Variants in PER2 observed in about 807,000 individuals in gnomAD.
PER2 encodes the protein period circadian protein homolog 2.
In PER2, 66 loss-of-function variants were observed where a neutral mutation model predicts 121.0. That is an observed-to-expected ratio of 0.55 (90% CI 0.45 to 0.67). The LOEUF (loss-of-function observed/expected upper bound fraction) is 0.67, where lower values mean the gene tolerates loss of function less well. Ranked by LOEUF, PER2 falls within the 30% of genes least tolerant of loss-of-function variation. PER2 has a pLI of 0.00. For synonymous variants in PER2, 684 were observed against 659.9 expected, an observed-to-expected ratio of 1.04 and a Z score of -0.56; for missense variants, 1,521 against 1,635.0, an observed-to-expected ratio of 0.93 and a Z score of 1.20.
Position 238,246,263 on chromosome 2 carries a change from G to T in PER2, c.*112C>A. On this transcript the variant is annotated 3_prime_UTR_variant, in exon 23 of 23. Transcript: ENST00000254657. ...TGTTTTTTTTTCTAAAACAAAAAAA[G>T]CAACATGAGCATATGTGTCCATTTC... 1.5e-6 allele frequency: 1 copy of T among 683,440 alleles called. No individual in the cohort carries two copies. Among genetic ancestry groups the T allele is most frequent in the Non-Finnish European group, 2.2e-6 (1 of 448,322 alleles). 42.3% of individuals were successfully genotyped at this position (683,440 alleles called of 1,614,324 possible).
chr2:238,249,372 A>G (rs1261788550), intron 21 of PER2, among the ~76,000 whole-genome samples, 160 bp from the exon 22 acceptor site: 1 of 152,250 alleles, frequency 6.6e-6, no homozygotes, highest in Non-Finnish European at 1.5e-5. Context: ...CCTAGTAAAG[A>G]ACCCGTAGTT....
At position 238,250,496 on chromosome 2, in the gene PER2, G is replaced by A. The variant is rs565302836; in HGVS notation, c.3467+55C>T. 106 of 1,270,284 alleles carry A rather than the reference G, an allele frequency of 8.3e-5. 2 individuals carry two copies. In the South Asian group the frequency reaches 1.2e-3, roughly 14 times the overall value. The allele number at this position is 1,270,284 out of a possible 1,614,324, so 78.7% of individuals were successfully genotyped here. A position where few individuals can be genotyped will look rare whatever the true frequency, so the allele number is the denominator to read the frequency against. On this transcript the variant is annotated intron_variant, in intron 21 of 22. Coordinates refer to ENST00000254657, the MANE Select transcript of PER2 (RefSeq NM_022817.3). ...AATGACCTTGACCTTGTTGTTTCTGGGAGCTCCTGAACCCCATCCCTCCCC... is the reference window on the plus strand; with the variant it reads ...AATGACCTTGACCTTGTTGTTTCTGAGAGCTCCTGAACCCCATCCCTCCCC...
chr2:238,262,400 T>C (rs1695964235), intron 10 of PER2, 56 bp from the exon 11 acceptor site: 10 of 1,567,670 alleles, frequency 6.4e-6, no homozygotes, highest in South Asian at 1.1e-5. Context: ...GGATTTATAG[T>C]AGAGAGAGAC....
intron 1 of PER2, among the ~76,000 whole-genome samples, chr2:238,280,207 G>A (rs1696588161): frequency 6.6e-6 from 1 of 152,192 alleles, no homozygotes; most frequent in African/African-American, 2.4e-5. Context: ...GGAACTGAAT[G>A]GCTAAGCTCC....
rs753723479 is a variant in PER2, at chr2:238,271,496, G to A, written c.588C>T (p.Ala196=). Residue 196 remains alanine (A), a synonymous_variant, in exon 6 of 23, where the codon GCC becomes GCT. Coordinates refer to ENST00000254657, the MANE Select transcript of PER2 (RefSeq NM_022817.3). The stretch of plus-strand genomic sequence containing the variant: ...GGATCTTCCCAGACACCAGGGACAC[G>A]GCCACCGCAAACATATCCTGAAAAG... ...IVKNADMFAV[A]VSLVSGKILY... 13 of 1,612,910 alleles carry A rather than the reference G, an allele frequency of 8.1e-6. No individual in the cohort carries two copies. The highest frequency in any genetic ancestry group is 2.2e-5 in the South Asian group (2 of 91,042).
At chr2:238,272,613 G>GGT (rs1388222235) in intron 5 of PER2, among the ~76,000 whole-genome samples, 2 of 152,244 alleles carry the variant, frequency 1.3e-5, no homozygotes, top group African/African-American at 2.4e-5. Context: ...TGGTAGAGTA[G>GGT]GTGTGTGTGT....
At chr2:238,248,972 A>C in intron 22 of PER2, 90 bp downstream of exon 22, 3 of 1,419,690 alleles carry the variant, frequency 2.1e-6, no homozygotes, top group Non-Finnish European at 3.0e-6. Flanking sequence ...AGAAGTTTTA[A>C]ATTGACAGAA....
At position 238,260,849 on chromosome 2, in the gene PER2, C is replaced by G; in HGVS notation, c.1521G>C (p.Glu507Asp). 1 of 1,614,134 alleles carries G rather than the reference C, an allele frequency of 6.2e-7. No homozygotes were observed. The highest frequency in any genetic ancestry group is 8.5e-7 in the Non-Finnish European group (1 of 1,180,028). The change falls in exon 13 of 23, where the codon GAG (glutamate) becomes GAC (aspartate). Residue 507 changes from glutamate to aspartate, a missense_variant. Coordinates refer to ENST00000254657, the MANE Select transcript of PER2 (RefSeq NM_022817.3). ...QTSSSDSNGHEDSRRRRAEIC... is the reference protein window; with the variant it reads ...QTSSSDSNGHDDSRRRRAEIC... ...GTACGGCTCTCCTCCGGCGTGAGTC[C>G]TCATGGCCGTTGCTGTCGCTGGAGG...
chr2:238,296,732 C>T, the PER2 span, among the ~76,000 whole-genome samples: 2 of 152,304 alleles, frequency 1.3e-5, no homozygotes, highest in South Asian at 2.1e-4. Context: ...CAGACATTCC[C>T]GGGCACTTCT....
rs757290576 is a variant in PER2 at position 238,268,949 on chromosome 2, C to A, written c.798G>T (p.Glu266Asp). The A allele has an allele frequency of 1.9e-6, 3 of 1,612,822 alleles. No homozygotes were observed. The South Asian group carries it at 3.3e-5, about 18-fold the overall frequency. The change falls in exon 7 of 23, where the codon GAG (glutamate) becomes GAT (aspartate). Residue 266 changes from glutamate to aspartate, a missense_variant. By Grantham distance (45) the Glu-to-Asp change is conservative. Transcript: ENST00000254657. This position sits in a 1 kb window ranked among gnomAD's most constrained non-coding sequence, Gnocchi z 4.0. Reference protein sequence around the residue: ...GADSFTQECMEEKSFFCRVSV... With the variant: ...GADSFTQECMDEKSFFCRVSV... ...TGACACGGCAAAAGAAAGATTTCTC[C>A]TCCATGCATTCTTGAGTAAAAGAAT...
At chr2:238,286,212 A>G (rs936917840) in intron 1 of PER2, among the ~76,000 whole-genome samples, 139 of 152,330 alleles carry the variant, frequency 9.1e-4, no homozygotes, top group African/African-American at 3.1e-3. Flanking sequence ...CAGGAAGCTC[A>G]GGCATCTGCT....
At chr2:238,264,329 T>C (rs1488571972) in intron 9 of PER2, among the ~76,000 whole-genome samples, 2 of 152,228 alleles carry the variant, frequency 1.3e-5, no homozygotes, top group Non-Finnish European at 2.9e-5. Context: ...AGCCTGCATC[T>C]GCAAACTGGC....
In PER2 at chr2:238,275,819, T is replaced by G. The variant is rs767687681; in HGVS notation, c.372A>C (p.Ala124=). Residue 124 remains alanine, a synonymous_variant, in exon 4 of 23, where the codon GCA becomes GCC. Coordinates refer to ENST00000254657, the MANE Select transcript of PER2 (RefSeq NM_022817.3). ...TLKELKVHLP[A]DKKAKGKAST... is the part of the protein sequence containing the mutation. ...TGGCCTTGCCCTTGGCCTTCTTGTC[T>G]GCAGGGAGGTGGACCTTCAGCTCCT... The G allele has an allele frequency of 2.5e-6, 4 of 1,614,226 alleles. No individual in the cohort carries two copies. In the South Asian group the frequency reaches 4.4e-5, roughly 18 times the overall value.
rs371654106 is a variant in PER2, at chr2:238,255,424, C to T, written c.2320+233G>A. 175 of 597,786 alleles carry T rather than the reference C, an allele frequency of 2.9e-4. 5 individuals are homozygous for T. Among genetic ancestry groups the T allele is most frequent in the South Asian group, 1.9e-3 (98 of 51,438 alleles). The allele number at this position is 597,786 out of a possible 1,614,324, so 37.0% of individuals were successfully genotyped here. ...TGCCCTGCCATGGTTCTTCCCACCT[C>T]GGGCACTAGCCTGGGACTATTCCCC... On this transcript the variant is annotated intron_variant, in intron 18 of 22. Coordinates refer to ENST00000254657, the MANE Select transcript of PER2 (RefSeq NM_022817.3).
Position 238,268,093 on chromosome 2 carries a change from G to A in PER2, c.930C>T (p.Cys310=). The stretch of plus-strand genomic sequence containing the variant: ...AGTGCACTCTCTCTGCCAGCAGAAG[G>A]CAGCAAAGCTGACTCTCAGCACCTT... The part of the protein sequence containing the change: ...DQQGAESQLC[C]LLLAERVHSG... Residue 310 remains cysteine, a synonymous_variant, in exon 8 of 23, where the codon TGC becomes TGT. Coordinates refer to ENST00000254657, the MANE Select transcript of PER2 (RefSeq NM_022817.3). This position sits in a 1 kb window ranked among gnomAD's most constrained non-coding sequence, Gnocchi z 4.0. 6.2e-7 allele frequency: 1 copy of A among 1,614,134 alleles called. No homozygotes were observed. Among genetic ancestry groups the A allele is most frequent in the East Asian group, 2.2e-5 (1 of 44,876 alleles).
chr2:238,255,576 A>AGTC, intron 18 of PER2, 81 bp downstream of exon 18: 1 of 1,390,970 alleles, frequency 7.2e-7, no homozygotes, highest in African/African-American at 1.4e-5. Context: ...GACACATTTC[A>AGTC]CATTTTGAAA....
At chr2:238,273,927 A>G (rs1378011393) in intron 4 of PER2, among the ~76,000 whole-genome samples, 1 of 151,592 alleles carries the variant, frequency 6.6e-6, no homozygotes, top group Admixed American at 6.6e-5. Context: ...CGGCCTCCCA[A>G]AGTGCTGGGA....
rs564202723 is a variant in PER2, at chr2:238,256,811, A to G, written c.2065+111T>C. The G allele has an allele frequency of 4.3e-4, 491 of 1,132,826 alleles. No homozygotes were observed. The African/African-American group carries it at 7.0e-3, about 16-fold the overall frequency. 70.2% of individuals were successfully genotyped at this position (1,132,826 alleles called of 1,614,324 possible). On this transcript the variant is annotated intron_variant, in intron 17 of 22. Transcript: ENST00000254657. ...AACTGGATTTCCTGAAACGCCCCCT[A>G]TCGGGCTATGGTGGAGTTCTTCTGC...
At chr2:238,250,443 C>T in intron 21 of PER2, 108 bp downstream of exon 21, 1 of 793,446 alleles carries the variant, frequency 1.3e-6, no homozygotes, top group Non-Finnish European at 2.1e-6. Flanking sequence ...AAATCTAAGT[C>T]TTTCAGAGGG....
Sources: allele counts gnomAD v4.1 joint callset (sites outside exome capture counted in the v4.1 genomes callset), GRCh38; gene constraint gnomAD v4.1.1; non-coding constraint Gnocchi (gnomAD v3.1); transcripts MANE v1.5; gene names NCBI Gene and HGNC (gene_info 2026-07-23, HGNC 2026-07-21).